Variants in CDH13 observed in about 807,000 individuals in gnomAD.
The protein encoded by CDH13 is cadherin-13.
CDH13 carries 24 observed loss-of-function variants against 63.8 expected under a neutral mutation model. The ratio of observed to expected loss-of-function variants is 0.38; its 90% CI spans 0.27 to 0.53. CDH13 has a LOEUF of 0.53. Ranked by LOEUF, CDH13 falls within the 20% of genes least tolerant of loss-of-function variation. CDH13 has a pLI of 0.85. For missense variants in CDH13, 1,049 were observed against 903.1 expected, an observed-to-expected ratio of 1.16 and a Z score of -2.07; for synonymous variants, 503 against 355.3, an observed-to-expected ratio of 1.42 and a Z score of -4.67.
At chr16:82,675,486 G>A (rs1488553196) in intron 1 of CDH13, among the ~76,000 whole-genome samples, 1 of 152,140 alleles carries the variant, frequency 6.6e-6, no homozygotes, top group Non-Finnish European at 1.5e-5. Context: ...AGGAATTAAG[G>A]TATTCTCCTC....
At chr16:82,790,889 A>C (rs556971189) in intron 1 of CDH13, among the ~76,000 whole-genome samples, 95 of 152,326 alleles carry the variant, frequency 6.2e-4, no homozygotes, top group African/African-American at 2.0e-3. Context: ...CTCCCTTGAC[A>C]TATGTGGATT....
chr16:83,170,736 G>A (rs1477924946), intron 4 of CDH13, among the ~76,000 whole-genome samples: 1 of 152,112 alleles, frequency 6.6e-6, no homozygotes, highest in Non-Finnish European at 1.5e-5. Context: ...GAGTAAAATG[G>A]AAAGTCCAAG....
At chr16:83,252,137 T>C (rs377288090) in intron 5 of CDH13, among the ~76,000 whole-genome samples, 30 of 28,786 alleles carry the variant, frequency 1.0e-3, no homozygotes, top group African/African-American at 1.4e-3. Context: ...CACATATATA[T>C]GTATATATAT....
At chr16:83,262,291 T>G (rs1365293415) in intron 5 of CDH13, among the ~76,000 whole-genome samples, 1 of 152,142 alleles carries the variant, frequency 6.6e-6, no homozygotes, top group African/African-American at 2.4e-5. Context: ...GATTTGCCCA[T>G]GGGGGGAGGA....
At chr16:82,840,509 C>G (rs920295939) in intron 1 of CDH13, among the ~76,000 whole-genome samples, 2 of 151,528 alleles carry the variant, frequency 1.3e-5, no homozygotes, top group African/African-American at 2.4e-5. Flanking sequence ...ATGGTGAAAC[C>G]TCGTCTCTAC....
chr16:82,953,798 G>C (rs188893799), intron 2 of CDH13: 11 of 152,148 alleles, frequency 7.2e-5, no homozygotes, highest in African/African-American at 2.7e-4. Flanking sequence ...CAGATGGGCC[G>C]AGATCTGATA....
At chr16:82,910,334 C>T (rs2151262313) in intron 2 of CDH13, among the ~76,000 whole-genome samples, 1 of 152,308 alleles carries the variant, frequency 6.6e-6, no homozygotes, top group South Asian at 2.1e-4. Context: ...CCTGTGATGA[C>T]ATTTCTCCAG....
At chr16:83,139,006 G>A (rs1390794345) in intron 4 of CDH13, among the ~76,000 whole-genome samples, 2 of 151,806 alleles carry the variant, frequency 1.3e-5, no homozygotes, top group African/African-American at 4.9e-5. Flanking sequence ...AACCTGCGGA[G>A]GTGTTACTTT....
chr16:83,477,492 T>C (rs1458022463), intron 6 of CDH13, among the ~76,000 whole-genome samples: 3 of 152,168 alleles, frequency 2.0e-5, no homozygotes, highest in African/African-American at 7.2e-5. Context: ...GGATGGCACT[T>C]CCTCACCTCA....
intron 1 of CDH13, among the ~76,000 whole-genome samples, chr16:82,845,654 T>C (rs998928753): frequency 3.0e-4 from 45 of 152,198 alleles, no homozygotes; most frequent in African/African-American, 9.2e-4. Context: ...ATTTTCTCAT[T>C]TGAACTCCCT....
intron 8 of CDH13, among the ~76,000 whole-genome samples, chr16:83,645,024 C>T (rs10514591): frequency 0.062 from 9,365 of 152,272 alleles, 419 homozygotes; most frequent in Non-Finnish European, 0.097. Context: ...TCCTGAGTTT[C>T]CTTCTATGCT....
intron 2 of CDH13, among the ~76,000 whole-genome samples, chr16:82,886,641 T>C (rs994283762): frequency 1.3e-5 from 2 of 152,182 alleles, no homozygotes; most frequent in Non-Finnish European, 2.9e-5. Context: ...GAGAAAGTTT[T>C]GGAATTTACT....
chr16:83,577,114 A>G (rs902584139), intron 7 of CDH13, among the ~76,000 whole-genome samples: 2 of 152,218 alleles, frequency 1.3e-5, no homozygotes, highest in Non-Finnish European at 2.9e-5. Context: ...GTCAGGAATC[A>G]GTCTGTTGAT....
chr16:83,752,982 T>A (rs894191248), intron 11 of CDH13, among the ~76,000 whole-genome samples: 1 of 152,206 alleles, frequency 6.6e-6, no homozygotes, highest in Non-Finnish European at 1.5e-5. Context: ...CACGGAAATT[T>A]AAAATCTGGT....
At chr16:82,711,578 C>A (rs1236386374) in intron 1 of CDH13, among the ~76,000 whole-genome samples, 1 of 152,162 alleles carries the variant, frequency 6.6e-6, no homozygotes, top group African/African-American at 2.4e-5. Flanking sequence ...CATAGACCTA[C>A]CTTCTTATTG....
intron 1 of CDH13, among the ~76,000 whole-genome samples, chr16:82,813,870 T>G (rs141537040): frequency 1.3e-3 from 200 of 152,318 alleles, no homozygotes; most frequent in African/African-American, 4.4e-3. Flanking sequence ...CAGATGATTG[T>G]GGGACCTTGA....
intron 5 of CDH13, among the ~76,000 whole-genome samples, chr16:83,321,216 G>T (rs552788655): frequency 8.5e-5 from 13 of 152,302 alleles, no homozygotes; most frequent in African/African-American, 3.1e-4. Context: ...TATTATTAAC[G>T]TGCTAATTCA....
intron 6 of CDH13, among the ~76,000 whole-genome samples, chr16:83,355,557 CTG>C (rs898853181): frequency 2.0e-5 from 3 of 152,178 alleles, no homozygotes; most frequent in Non-Finnish European, 4.4e-5. Context: ...TCCCGATAAA[CTG>C]TTTTTTAATT....
intron 5 of CDH13, among the ~76,000 whole-genome samples, chr16:83,236,042 A>G (rs567943683): frequency 6.6e-6 from 1 of 152,324 alleles, no homozygotes; most frequent in South Asian, 2.1e-4. Flanking sequence ...CGTTTAAGAT[A>G]TTTAACTTAT....
Sources: allele counts gnomAD v4.1 joint callset (sites outside exome capture counted in the v4.1 genomes callset), GRCh38; gene constraint gnomAD v4.1.1; transcripts MANE v1.5; gene names NCBI Gene and HGNC (gene_info 2026-07-23, HGNC 2026-07-21).